CFAP46: variants seen among roughly 807,000 people sequenced by gnomAD.
CFAP46 encodes the protein cilia and flagella associated protein 46.
In CFAP46, 245 loss-of-function variants were observed where a neutral mutation model predicts 325.7. That is an observed-to-expected ratio of 0.75 (90% CI 0.68 to 0.84). CFAP46 has a LOEUF of 0.84. Ranked by LOEUF, CFAP46 falls within the 40% of genes least tolerant of loss-of-function variation. The pLI is 0.00. For missense variants in CFAP46, 3,346 were observed against 3,543.0 expected (o/e 0.94, Z 1.41); for synonymous variants, 1,523 against 1,495.9 (o/e 1.02, Z -0.42).
At chr10:132,825,830 A>T (rs1192958464) in intron 50 of CFAP46, among the ~76,000 whole-genome samples, 1 of 152,234 alleles carries the variant, frequency 6.6e-6, no homozygotes, top group East Asian at 1.9e-4. Flanking sequence ...GGCTCTTCAC[A>T]AACAGCTGGT....
Position 132,877,559 on chromosome 10 carries a change from A to C in CFAP46, c.4212+322T>G, listed in dbSNP as rs561433612. 8.5e-5 allele frequency among the ~76,000 whole-genome samples: 13 copies of C among 152,328 alleles called. No homozygotes were observed. Among genetic ancestry groups the C allele is most frequent in the Admixed American group, 7.8e-4 (12 of 15,308 alleles). ...GTGCTCTGTGCAAACTGCGTGCATT[A>C]CGTGGCTAGCTCCAGGCCCGGGATT... On this transcript the variant is annotated intron_variant, in intron 30 of 57. Transcript: ENST00000368586. This position sits in a 1 kb window ranked among gnomAD's most constrained non-coding sequence, Gnocchi z 5.7.
At chr10:132,912,584 CCTCT>C (rs1427195332) in intron 19 of CFAP46, 67 bp downstream of exon 19, 2 of 1,362,294 alleles carry the variant, frequency 1.5e-6, no homozygotes, top group Non-Finnish European at 1.9e-6. Flanking sequence ...CCTCTCCTCT[CCTCT>C]CTCTCTCTCC....
At chr10:132,833,566 G>A in intron 49 of CFAP46, 41 bp from the exon 50 acceptor site, 1 of 1,588,028 alleles carries the variant, frequency 6.3e-7, no homozygotes, top group Non-Finnish European at 8.6e-7. Flanking sequence ...CCTGAAGACG[G>A]GACCCCTCCC....
At chr10:132,918,272 C>G in intron 16 of CFAP46, 121 bp downstream of exon 16, 1 of 197,118 alleles carries the variant, frequency 5.1e-6, no homozygotes, top group Admixed American at 2.5e-4. Flanking sequence ...GATGAACCCC[C>G]CTCTCCACGA....
At chr10:132,820,979 ATGTGTGCTGTG>A (rs202244662) in intron 50 of CFAP46, among the ~76,000 whole-genome samples, 1 of 73,664 alleles carries the variant, frequency 1.4e-5, no homozygotes, top group Non-Finnish European at 2.5e-5. Flanking sequence ...GTGTGTGCTG[ATGTGTGCTGTG>A]TGTGTGCTGA....
intron 22 of CFAP46, among the ~76,000 whole-genome samples, chr10:132,902,381 G>A (rs1197698756): frequency 6.6e-6 from 1 of 151,538 alleles, no homozygotes; most frequent in Non-Finnish European, 1.5e-5. Context: ...GCCTGGATTC[G>A]AAGTTACTGA....
intron 39 of CFAP46, among the ~76,000 whole-genome samples, chr10:132,852,675 T>C (rs1222756966): frequency 1.3e-5 from 2 of 152,276 alleles, no homozygotes; most frequent in African/African-American, 4.8e-5. Context: ...TTTCTCCAGT[T>C]ACTTAGGCAT....
intron 7 of CFAP46, among the ~76,000 whole-genome samples, chr10:132,936,620 A>G (rs1427503199): frequency 7.7e-6 from 1 of 129,872 alleles, no homozygotes; most frequent in African/African-American, 2.8e-5. Flanking sequence ...TCCCCTTGGC[A>G]TCCAAACACA....
At position 132,919,355 on chromosome 10, in the gene CFAP46, C is replaced by T; in HGVS notation, c.1818G>A (p.Leu606=). The stretch of plus-strand genomic sequence containing the variant: ...ACTTCTTCACCTTGACGTTGTCATA[C>T]AGGAGGCAGAAGCGGCTCGCCGTCC... ...VCRTASRFCL[L]YDNVKVKKLR... is the part of the protein sequence containing the mutation. The change falls in exon 15 of 58, where the codon CTG becomes CTA. Residue 606 remains leucine, a synonymous_variant. Coordinates refer to ENST00000368586, the MANE Select transcript of CFAP46 (RefSeq NM_001200049.3). This position sits in a 1 kb window ranked among gnomAD's most constrained non-coding sequence, Gnocchi z 9.7. 1 of 1,550,180 alleles carries T rather than the reference C, an allele frequency of 6.5e-7. No homozygotes were observed. Among genetic ancestry groups the T allele is most frequent in the Non-Finnish European group, 8.7e-7 (1 of 1,146,888 alleles).
Position 132,860,296 on chromosome 10 carries a change from T to C in CFAP46, c.5198+121A>G, listed in dbSNP as rs1048713529. The C allele has an allele frequency of 3.6e-5, 24 of 668,228 alleles. No individual in the cohort carries two copies. In the East Asian group the frequency reaches 4.9e-4, roughly 14 times the overall value. 41.4% of individuals were successfully genotyped at this position (668,228 alleles called of 1,614,324 possible). A position where few individuals can be genotyped will look rare whatever the true frequency, so the allele number is the denominator to read the frequency against. On this transcript the variant is annotated intron_variant, in intron 37 of 57. Transcript: ENST00000368586. The stretch of plus-strand genomic sequence containing the variant: ...AGCTGCACGGAAAGCTGTGGATATG[T>C]GGCCCCATGACGTGGGTCTCTGAAC...
At position 132,872,688 on chromosome 10, in the gene CFAP46, A is replaced by C; in HGVS notation, c.4499T>G (p.Leu1500Arg). Residue 1500 changes from leucine (L) to arginine (R), a missense_variant, in exon 32 of 58, where the codon CTC becomes CGC. By Grantham distance (102) the Leu-to-Arg change is moderately radical (BLOSUM62 -2). Transcript: ENST00000368586. ...SVVGSKGLSD[L>R]YHLRLAHACS... ...GAGCTGTACCCACCGAAGGTGGTAG[A>C]GATCCGACAGGCCCTTGCTTCCCAC... 1 of 1,550,660 alleles carries C rather than the reference A, an allele frequency of 6.4e-7. No individual in the cohort carries two copies. The highest frequency in any genetic ancestry group is 8.7e-7 in the Non-Finnish European group (1 of 1,147,022).
At chr10:132,833,942 AC>A (rs1034269103) in intron 49 of CFAP46, 98 bp downstream of exon 49, 31 of 1,091,684 alleles carry the variant, frequency 2.8e-5, no homozygotes, top group Non-Finnish European at 3.7e-5. Context: ...TGGGTTCCTG[AC>A]CCCCCCTGGC....
chr10:132,891,160 G>A (rs1849248264), intron 25 of CFAP46, among the ~76,000 whole-genome samples: 1 of 152,184 alleles, frequency 6.6e-6, no homozygotes, highest in Non-Finnish European at 1.5e-5. Flanking sequence ...CGGCAGCCAC[G>A]ACCAGGGGGA....
Position 132,922,109 on chromosome 10 carries a change from G to A in CFAP46, c.1601C>T (p.Ala534Val), listed in dbSNP as rs1564801722. ...FQIVLDSENE[A>V]KVSTGKNRGR... is the part of the protein sequence containing the mutation. ...GAGCCCAGTGCAGAGCTCACCTTTG[G>A]CCTCATTCTCACTGTCCAGCACAAT... The change falls in exon 13 of 58, where the codon GCC (alanine) becomes GTC (valine). Residue 534 changes from alanine (A) to valine (V), a missense_variant. By Grantham distance (64) the Ala-to-Val change is moderately conservative (BLOSUM62 0). Transcript: ENST00000368586. 6.5e-7 allele frequency: 1 copy of A among 1,550,136 alleles called. No individual in the cohort carries two copies. Among genetic ancestry groups the A allele is most frequent in the Admixed American group, 2.0e-5 (1 of 51,002 alleles).
At chr10:132,880,245 C>T (rs918097596) in intron 28 of CFAP46, among the ~76,000 whole-genome samples, 4 of 152,232 alleles carry the variant, frequency 2.6e-5, no homozygotes, top group African/African-American at 9.6e-5. Context: ...AGAGTTTCTG[C>T]CCCGGGTCAC....
chr10:132,900,552 A>AGCCACTTCT (rs1220047796), intron 22 of CFAP46, among the ~76,000 whole-genome samples: 1 of 152,256 alleles, frequency 6.6e-6, no homozygotes, highest in Admixed American at 6.5e-5. Flanking sequence ...AGGAGCAGAC[A>AGCCACTTCT]GCCACTTCTG....
At chr10:132,904,151 T>C (rs529095362) in intron 22 of CFAP46, among the ~76,000 whole-genome samples, 12 of 152,346 alleles carry the variant, frequency 7.9e-5, no homozygotes, top group African/African-American at 2.9e-4. Context: ...AACTGAAATA[T>C]GTGTAAACTT....
chr10:132,932,707 A>T (rs1229638110), intron 8 of CFAP46, among the ~76,000 whole-genome samples: 1 of 149,636 alleles, frequency 6.7e-6, no homozygotes, highest in Non-Finnish European at 1.5e-5. Context: ...TGCAGTCACC[A>T]ATCAGGGTCT....
At chr10:132,857,871 A>G (rs751753322) in intron 38 of CFAP46, 83 bp from the exon 39 acceptor site, 29 of 1,169,502 alleles carry the variant, frequency 2.5e-5, no homozygotes, top group Non-Finnish European at 3.3e-5. Context: ...ATCATACTGT[A>G]TATTTTATTA....
Sources: allele counts gnomAD v4.1 joint callset (sites outside exome capture counted in the v4.1 genomes callset), GRCh38; gene constraint gnomAD v4.1.1; non-coding constraint Gnocchi (gnomAD v3.1); transcripts MANE v1.5; gene names NCBI Gene and HGNC (gene_info 2026-07-23, HGNC 2026-07-21).